The following UNC79 variants were observed in gnomAD, a reference collection of about 807,000 sequenced individuals.
UNC79 encodes protein unc-79 homolog.
UNC79 carries 37 observed loss-of-function variants against 283.1 expected under a neutral mutation model. The observed-to-expected ratio is 0.13, with a 90% CI of 0.10 to 0.17. UNC79 has a LOEUF of 0.17. UNC79 is among the 10% of genes least tolerant of loss of function. UNC79 has a pLI of 1.00. For synonymous variants in UNC79, 1,107 were observed against 1,200.2 expected (o/e 0.92, Z 1.61); for missense variants, 2,272 against 3,211.1 (o/e 0.71, Z 7.07).
intron 20 of UNC79, among the ~76,000 whole-genome samples, chr14:93,582,601 A>G (rs910076435): frequency 2.0e-5 from 3 of 152,078 alleles, no homozygotes; most frequent in African/African-American, 7.2e-5. Context: ...CCTACTTACA[A>G]TGCGAGGTAT....
chr14:93,612,801 A>G (rs2066405032), exon 27 of UNC79: 2 of 1,612,646 alleles, frequency 1.2e-6, no homozygotes, highest in African/African-American at 1.3e-5. Context: ...TGACAGGACA[A>G]CAATCTCCTG....
intron 30 of UNC79, among the ~76,000 whole-genome samples, chr14:93,628,804 A>G (rs1011703992): frequency 2.0e-5 from 3 of 152,338 alleles, no homozygotes; most frequent in Admixed American, 6.5e-5. Flanking sequence ...GGGCTGAGGA[A>G]AGATTGCCTC....
At chr14:93,457,834 A>AGTTGATTTCTG (rs1306401226) in intron 1 of UNC79, among the ~76,000 whole-genome samples, 3 of 152,204 alleles carry the variant, frequency 2.0e-5, no homozygotes, top group Non-Finnish European at 4.4e-5. Context: ...AGAAGAGGGT[A>AGTTGATTTCTG]GACCCTGGAG....
chr14:93,611,551 A>G (rs2066303789), intron 26 of UNC79, among the ~76,000 whole-genome samples: 1 of 152,232 alleles, frequency 6.6e-6, no homozygotes, highest in Non-Finnish European at 1.5e-5. Context: ...TGCAATTCCC[A>G]GAAACATTTC....
intron 18 of UNC79, 81 bp from the exon 19 acceptor site, chr14:93,580,068 A>G (rs2063700368): frequency 1.6e-6 from 2 of 1,277,760 alleles, no homozygotes; most frequent in Non-Finnish European, 2.2e-6. Flanking sequence ...CCAATGGAAT[A>G]TTGGACAAAT....
chr14:93,659,722 T>G (rs969291151), intron 39 of UNC79, among the ~76,000 whole-genome samples: 1 of 152,184 alleles, frequency 6.6e-6, no homozygotes, highest in Non-Finnish European at 1.5e-5. Flanking sequence ...GAATCAGCGT[T>G]ATCATCATCA....
At chr14:93,426,208 C>T (rs2055722329), upstream of UNC79, among the ~76,000 whole-genome samples, 1 of 151,886 alleles carries the variant, frequency 6.6e-6, no homozygotes, top group Admixed American at 6.6e-5. Context: ...CATTGATGTT[C>T]CCTGTATGTA....
rs188563775 is a variant in UNC79, at chr14:93,384,904, A to T, written c.-351+51381A>T. On this transcript the variant is annotated intron_variant, in intron 1 of 49. Transcript: ENST00000256339. ...TAGTTTCATTCTCTTGCATGTGGAT[A>T]TCCATTTCTCCAAGCACCATTTATT... Among the ~76,000 whole-genome samples the T allele has an allele frequency of 3.3e-5, 5 of 152,280 alleles. No homozygotes were observed. The East Asian group carries it at 9.6e-4, about 29-fold the overall frequency.
Position 93,430,552 on chromosome 14 carries a change from A to G in UNC79, c.-478A>G, listed in dbSNP as rs1392251450. On this transcript the variant is annotated 5_prime_UTR_variant, in exon 1 of 49. Transcript: ENST00000555664. This position sits in a 1 kb window ranked among gnomAD's most constrained non-coding sequence, Gnocchi z 4.6. Reference sequence around the variant, plus strand: ...AGGCTCCGGGGGCTGCTCCGGGAGCAGGATTTACAGGCCCGGAGAACGCCA... The same window carrying G: ...AGGCTCCGGGGGCTGCTCCGGGAGCGGGATTTACAGGCCCGGAGAACGCCA... 6.5e-6 allele frequency: 1 copy of G among 153,006 alleles called. No homozygotes were observed. The highest frequency in any genetic ancestry group is 1.5e-5 in the Non-Finnish European group (1 of 68,660). 9.5% of individuals were successfully genotyped at this position (153,006 alleles called of 1,614,324 possible).
chr14:93,511,873 C>G (rs986567354), intron 7 of UNC79, among the ~76,000 whole-genome samples: 7 of 152,058 alleles, frequency 4.6e-5, no homozygotes, highest in Admixed American at 2.0e-4. Flanking sequence ...GTTTCTTTTA[C>G]TTTCTTGAAT....
At chr14:93,654,281 A>C (rs2070663629) in intron 37 of UNC79, among the ~76,000 whole-genome samples, 1 of 152,196 alleles carries the variant, frequency 6.6e-6, no homozygotes, top group Non-Finnish European at 1.5e-5. Flanking sequence ...GCTCGAGGCC[A>C]GGAGTTCAAG....
intron 26 of UNC79, among the ~76,000 whole-genome samples, chr14:93,608,036 CT>C (rs2066010308): frequency 6.6e-6 from 1 of 152,072 alleles, no homozygotes; most frequent in African/African-American, 2.4e-5. Context: ...ATTACAAATA[CT>C]TTTTTTGAGA....
chr14:93,374,135 C>T (rs182628013), intron 1 of UNC79, among the ~76,000 whole-genome samples: 207 of 152,118 alleles, frequency 1.4e-3, no homozygotes, highest in South Asian at 3.1e-3. Context: ...TCTGGGGCTG[C>T]GGCAGAAAGT....
At chr14:93,489,891 C>T (rs1416308314) in intron 5 of UNC79, among the ~76,000 whole-genome samples, 1 of 152,202 alleles carries the variant, frequency 6.6e-6, no homozygotes, top group African/African-American at 2.4e-5. Context: ...AGGCTGGGGT[C>T]CGGTGCCCAT....
chr14:93,557,802 A>G (rs976389705), intron 14 of UNC79, among the ~76,000 whole-genome samples: 2 of 152,270 alleles, frequency 1.3e-5, no homozygotes, highest in African/African-American at 4.8e-5. Context: ...CCTTAGCCAC[A>G]GAGCTACAGT....
At chr14:93,335,019 T>C (rs1018491816) in intron 1 of UNC79, 5 of 152,216 alleles carry the variant, frequency 3.3e-5, no homozygotes, top group Admixed American at 6.5e-5. Context: ...TAGCCACAAT[T>C]TAAAAAACAA....
At chr14:93,424,931 C>T (rs75764169) in intron 1 of UNC79, among the ~76,000 whole-genome samples, 5,107 of 152,000 alleles carry the variant, frequency 0.034, 299 homozygotes, top group African/African-American at 0.12. Flanking sequence ...CCCTGATGTG[C>T]GTATTACACA....
intron 7 of UNC79, among the ~76,000 whole-genome samples, chr14:93,515,271 T>TGTGG (rs1241637716): frequency 1.3e-5 from 2 of 151,696 alleles, no homozygotes; most frequent in African/African-American, 4.8e-5. Context: ...TATATGTGTG[T>TGTGG]GTGTGTGTGT....
chr14:93,516,696 C>A (rs1334288088), intron 7 of UNC79, among the ~76,000 whole-genome samples: 1 of 152,098 alleles, frequency 6.6e-6, no homozygotes, highest in Non-Finnish European at 1.5e-5. Flanking sequence ...GATCTGCCTG[C>A]CTCAGCCTCC....
Sources: allele counts gnomAD v4.1 joint callset (sites outside exome capture counted in the v4.1 genomes callset), GRCh38; gene constraint gnomAD v4.1.1; non-coding constraint Gnocchi (gnomAD v3.1); transcripts MANE v1.5; gene names NCBI Gene and HGNC (gene_info 2026-07-23, HGNC 2026-07-21).